Variants in MMP26 observed in about 807,000 individuals in gnomAD.
MMP26 encodes matrix metalloproteinase-26.
MMP26 carries 33 observed loss-of-function variants against 31.0 expected under a neutral mutation model. That is an observed-to-expected ratio of 1.06 (90% CI 0.81 to 1.42). The LOEUF is 1.42. Ranked by LOEUF, MMP26 falls within the 40% of genes most tolerant of loss-of-function variation. The pLI is 0.00. For synonymous variants in MMP26, 122 were observed against 114.9 expected (o/e 1.06, Z -0.40); for missense variants, 347 against 316.1 (o/e 1.10, Z -0.74).
In MMP26 at chr11:4,988,137, C is replaced by A; in HGVS notation, c.-75C>A. 1 of 1,310,288 alleles carries A rather than the reference C, an allele frequency of 7.6e-7. No individual in the cohort carries two copies. Among genetic ancestry groups the A allele is most frequent in the Non-Finnish European group, 1.1e-6 (1 of 903,498 alleles). 81.2% of individuals were successfully genotyped at this position (1,310,288 alleles called of 1,614,324 possible). ...TGGCAGAGTGAGTCATTGGATGTTG[C>A]TGGCACAGCTATAAAGATCCAGTGG... On this transcript the variant is annotated 5_prime_UTR_variant, in exon 3 of 8. It adds an upstream start codon to the 5' untranslated region. Coordinates refer to ENST00000380390, the MANE Select transcript of MMP26 (RefSeq NM_021801.5).
chr11:4,807,372 G>A (rs991581427), intron 2 of MMP26, among the ~76,000 whole-genome samples: 51 of 152,224 alleles, frequency 3.4e-4, no homozygotes, highest in African/African-American at 1.2e-3. Flanking sequence ...CAACCCAAAT[G>A]TCCATTAATG....
At position 4,789,620 on chromosome 11, in the gene MMP26, A is replaced by C. The variant is rs573117766; in HGVS notation, c.-145+22279A>C. Among the ~76,000 whole-genome samples the C allele has an allele frequency of 1.2e-3, 158 of 129,778 alleles. 1 individual carries two copies. Among genetic ancestry groups the C allele is most frequent in the African/African-American group, 4.2e-3 (145 of 34,926 alleles). 85.1% of individuals were successfully genotyped at this position (129,778 alleles called of 152,430 possible). On this transcript the variant is annotated intron_variant, in intron 2 of 7. Transcript: ENST00000380390. Reference sequence around the variant, plus strand: ...CAGTAGCATGATCTCGGCTCACTGCAACCTCTGCCTCCTGGGTTCAAGTGA... The same window carrying C: ...CAGTAGCATGATCTCGGCTCACTGCCACCTCTGCCTCCTGGGTTCAAGTGA...
At chr11:4,981,824 T>C (rs904805813) in intron 2 of MMP26, among the ~76,000 whole-genome samples, 16 of 151,006 alleles carry the variant, frequency 1.1e-4, no homozygotes, top group African/African-American at 2.7e-4. Context: ...AGTTTTTTTC[T>C]TTTTTTTCTT....
intron 1 of MMP26, among the ~76,000 whole-genome samples, chr11:4,756,295 G>T (rs1313237826): frequency 6.6e-6 from 1 of 151,824 alleles, no homozygotes; most frequent in Admixed American, 6.6e-5. Flanking sequence ...ATTATATTTG[G>T]GAAGGGCACA....
intron 2 of MMP26, among the ~76,000 whole-genome samples, chr11:4,967,254 A>G (rs1846608463): frequency 6.6e-6 from 1 of 152,286 alleles, no homozygotes; most frequent in South Asian, 2.1e-4. Flanking sequence ...GTGAAACAAA[A>G]TTACTCTTTA....
intron 2 of MMP26, among the ~76,000 whole-genome samples, chr11:4,780,542 T>C (rs1564907968): frequency 6.6e-6 from 1 of 152,312 alleles, no homozygotes; most frequent in East Asian, 1.9e-4. Flanking sequence ...GATTTTTGTT[T>C]ATTTTTGCAT....
chr11:4,837,350 A>T (rs936645497), intron 2 of MMP26, among the ~76,000 whole-genome samples: 3 of 152,138 alleles, frequency 2.0e-5, no homozygotes, highest in African/African-American at 7.2e-5. Flanking sequence ...TGGGACTATA[A>T]ACACCTGCCA....
chr11:4,854,834 C>G (rs2133503658), intron 2 of MMP26, among the ~76,000 whole-genome samples: 1 of 152,298 alleles, frequency 6.6e-6, no homozygotes, highest in Middle Eastern at 3.4e-3. Flanking sequence ...ACTGACACCT[C>G]TTACAGCTGG....
chr11:4,845,325 A>G (rs770939275), intron 2 of MMP26, among the ~76,000 whole-genome samples: 17 of 152,170 alleles, frequency 1.1e-4, no homozygotes, highest in Non-Finnish European at 2.1e-4. Flanking sequence ...TAAAATGTCC[A>G]TACCGTCCAA....
At chr11:4,934,741 T>C (rs1247558426) in intron 2 of MMP26, among the ~76,000 whole-genome samples, 1 of 149,174 alleles carries the variant, frequency 6.7e-6, no homozygotes, top group South Asian at 2.1e-4. Context: ...CCATCTTGAA[T>C]TGATTTTTGT....
intron 2 of MMP26, among the ~76,000 whole-genome samples, chr11:4,920,657 C>T (rs2133580284): frequency 6.6e-6 from 1 of 152,248 alleles, no homozygotes; most frequent in East Asian, 1.9e-4. Flanking sequence ...GGTATGGTTT[C>T]AGGTAGTGTT....
At chr11:4,918,238 T>G (rs143189918) in intron 2 of MMP26, among the ~76,000 whole-genome samples, 1 of 152,230 alleles carries the variant, frequency 6.6e-6, no homozygotes, top group Non-Finnish European at 1.5e-5. Context: ...AGGCACATAC[T>G]GAGAAGTTGG....
chr11:4,804,260 C>T (rs1849231900), intron 2 of MMP26: 3 of 1,613,884 alleles, frequency 1.9e-6, no homozygotes, highest in African/African-American at 1.3e-5. Context: ...CCAACAACAG[C>T]CACAGCATAC....
At chr11:4,708,721 GA>G (rs1316550246) in intron 1 of MMP26, among the ~76,000 whole-genome samples, 21 of 152,258 alleles carry the variant, frequency 1.4e-4, no homozygotes, top group Admixed American at 3.9e-4. Flanking sequence ...GATCTCCAGA[GA>G]AAACCTCCTT....
chr11:4,932,021 A>G (rs548591856), intron 2 of MMP26, among the ~76,000 whole-genome samples: 7 of 152,092 alleles, frequency 4.6e-5, no homozygotes, highest in Non-Finnish European at 7.4e-5. Context: ...ACAAGAATGC[A>G]AAGTAACGAT....
At chr11:4,979,100 G>A (rs1454703490) in intron 2 of MMP26, among the ~76,000 whole-genome samples, 2 of 152,068 alleles carry the variant, frequency 1.3e-5, no homozygotes, top group African/African-American at 4.8e-5. Context: ...AACATTTTGT[G>A]GAAATTGCTC....
chr11:4,931,536 CATTA>C (rs1441455454), intron 2 of MMP26, among the ~76,000 whole-genome samples: 2 of 151,884 alleles, frequency 1.3e-5, no homozygotes, highest in Non-Finnish European at 2.9e-5. Context: ...ATTATGAATT[CATTA>C]ATTAAAGTAT....
At chr11:4,907,018 C>T (rs1380495128) in intron 2 of MMP26, among the ~76,000 whole-genome samples, 6 of 140,524 alleles carry the variant, frequency 4.3e-5, no homozygotes, top group South Asian at 2.3e-4. Flanking sequence ...ATCACTTGAT[C>T]GCGGGAGGTG....
At position 4,864,898 on chromosome 11, in the gene MMP26, A is replaced by G. The variant is rs533428778; in HGVS notation, c.-145+97557A>G. Among the ~76,000 whole-genome samples, 7 of 152,258 alleles carry G rather than the reference A, an allele frequency of 4.6e-5. No homozygotes were observed. The East Asian group carries it at 1.4e-3, about 29-fold the overall frequency. On this transcript the variant is annotated intron_variant, in intron 2 of 7. Transcript: ENST00000380390. ...ATCAAAAGTCTTCCTATCCATATCT[A>G]AAATGGTTAAATATGGTAAAAAGAA...
Sources: gnomAD v4.1 joint callset for allele counts (sites outside exome capture counted in the v4.1 genomes callset) on GRCh38, gnomAD v4.1.1 for gene constraint, MANE v1.5 for transcripts, NCBI Gene and HGNC (gene_info 2026-07-23, HGNC 2026-07-21) for gene names.